Variants in TAF7L observed in about 807,000 individuals in gnomAD.
The protein encoded by TAF7L is transcription initiation factor TFIID subunit 7-like.
A neutral mutation model predicts 30.2 loss-of-function variants in TAF7L; 6 were observed. The observed-to-expected ratio is 0.20, with a 90% CI of 0.11 to 0.39. TAF7L has a LOEUF of 0.39. TAF7L is among the 10% of genes least tolerant of loss of function. The pLI is 1.00. For synonymous variants in TAF7L, 93 were observed against 94.5 expected (o/e 0.98, Z 0.09); for missense variants, 284 against 277.1 (o/e 1.03, Z -0.18).
chrX:101,288,485 T>C (rs1410799303), intron 1 of TAF7L, among the ~76,000 whole-genome samples: 1 of 108,802 alleles, frequency 9.2e-6, no homozygotes. Flanking sequence ...GAGTCTCTTT[T>C]TTTTTTCTTT....
At chrX:101,292,671 G>A (rs776634102), upstream of TAF7L, 2 of 863,642 alleles carry the variant, frequency 2.3e-6, no homozygotes, top group Non-Finnish European at 1.6e-6. Context: ...CACAGGTTAC[G>A]TCGCCCATTG....
Position 101,283,500 on chromosome X carries a change from G to A in TAF7L, c.229C>T (p.Leu77=), listed in dbSNP as rs746733525. The A allele has an allele frequency of 2.5e-6, 3 of 1,211,605 alleles. No homozygotes were observed. Among genetic ancestry groups the A allele is most frequent in the Non-Finnish European group, 3.4e-6 (3 of 895,197 alleles). The change falls in exon 4 of 13, where the codon CTG becomes TTG. Residue 77 remains leucine, a synonymous_variant. Coordinates refer to ENST00000356784, the MANE Select transcript of TAF7L (RefSeq NM_001168474.2). ...AAGGTTTTTTTATCAAGCGTTCTCAGGCTTTCAATAACACAAGGCAAGTCA... is the reference window on the plus strand; with the variant it reads ...AAGGTTTTTTTATCAAGCGTTCTCAAGCTTTCAATAACACAAGGCAAGTCA... ...LVDLPCVIES[L]RTLDKKTFYK... is the part of the protein sequence containing the mutation.
At chrX:101,279,122 A>G (rs1301167938) in intron 6 of TAF7L, 87 bp from the exon 7 acceptor site, 1 of 788,077 alleles carries the variant, frequency 1.3e-6, no homozygotes, top group Non-Finnish European at 1.9e-6. Context: ...TCCTTAACTT[A>G]GTTTTACATT....
Position 101,278,040 on chromosome X carries a change from A to G in TAF7L, c.577+9T>C. 7 of 1,203,607 alleles carry G rather than the reference A, an allele frequency of 5.8e-6. No individual in the cohort carries two copies. The highest frequency in any genetic ancestry group is 6.8e-6 in the Non-Finnish European group (6 of 888,154). ...CAGACTATGCAGAAAATATTTGTAT[A>G]AAGGATACGGGTACTTACGGCTTCA... On this transcript the variant is annotated intron_variant, in intron 8 of 12. Coordinates refer to ENST00000356784, the MANE Select transcript of TAF7L (RefSeq NM_001168474.2).
At chrX:101,280,023 T>A (rs1602956192) in intron 6 of TAF7L, among the ~76,000 whole-genome samples, 1 of 92,129 alleles carries the variant, frequency 1.1e-5, no homozygotes, top group Non-Finnish European at 2.2e-5. Flanking sequence ...AAGTCGAAAA[T>A]GGGCATCAGG....
At chrX:101,291,963 C>T (rs1924821187), upstream of TAF7L, among the ~76,000 whole-genome samples, 1 of 108,932 alleles carries the variant, frequency 9.2e-6, no homozygotes, top group Non-Finnish European at 1.9e-5. Context: ...TTGGGCCGGG[C>T]GCGGTGGCTC....
At chrX:101,288,168 G>T (rs758012647) in intron 1 of TAF7L, among the ~76,000 whole-genome samples, 2 of 106,763 alleles carry the variant, frequency 1.9e-5, no homozygotes, top group Admixed American at 2.0e-4. Context: ...TCAAGACAGA[G>T]TCTCGCTCTG....
intron 12 of TAF7L, among the ~76,000 whole-genome samples, chrX:101,270,183 A>G (rs1477524437): frequency 8.9e-6 from 1 of 112,163 alleles, no homozygotes; most frequent in Non-Finnish European, 1.9e-5. Context: ...AAAGTGACCA[A>G]TAACATTCAG....
intron 5 of TAF7L, 109 bp from the exon 6 acceptor site, chrX:101,281,884 C>A: frequency 1.7e-6 from 1 of 601,189 alleles, no homozygotes; most frequent in Non-Finnish European, 2.4e-6. Flanking sequence ...TGACATCACT[C>A]CTTTTTTTTT....
upstream of TAF7L, chrX:101,291,366 G>C (rs1042936007): frequency 1.1e-5 from 7 of 652,254 alleles, no homozygotes; most frequent in African/African-American, 2.4e-5. Flanking sequence ...CAGTAAAAGC[G>C]GCGCGCGCCG....
intron 6 of TAF7L, among the ~76,000 whole-genome samples, chrX:101,280,198 A>G (rs1924363730): frequency 1.8e-5 from 2 of 111,772 alleles, no homozygotes; most frequent in Admixed American, 1.9e-4. Flanking sequence ...AGACCCTACG[A>G]AGAGGATGGA....
upstream of TAF7L, among the ~76,000 whole-genome samples, chrX:101,292,100 G>A (rs768380711): frequency 9.7e-6 from 1 of 103,453 alleles, no homozygotes; most frequent in Non-Finnish European, 2.0e-5. Flanking sequence ...TTAGCCGGGC[G>A]TAGTGGCGGG....
chrX:101,271,993 G>A (rs1433410827), intron 12 of TAF7L, among the ~76,000 whole-genome samples: 1 of 111,254 alleles, frequency 9.0e-6, no homozygotes, highest in Non-Finnish European at 1.9e-5. Context: ...TAAAAATTCC[G>A]CTAGCCTTGT....
In TAF7L at chrX:101,269,082, T is replaced by C; in HGVS notation, c.*111A>G. On this transcript the variant is annotated 3_prime_UTR_variant, in exon 13 of 13. Transcript: ENST00000356784. ...AAGTAGCAAAGAAGGTACAGATAAATATAACTGATTCAACATAAGGCAACT... is the reference window on the plus strand; with the variant it reads ...AAGTAGCAAAGAAGGTACAGATAAACATAACTGATTCAACATAAGGCAACT... 3 of 635,743 alleles carry C rather than the reference T, an allele frequency of 4.7e-6. No homozygotes were observed. Among genetic ancestry groups the C allele is most frequent in the Non-Finnish European group, 7.5e-6 (3 of 401,699 alleles). The allele number at this position is 635,743 out of a possible 1,213,427, so 52.4% of individuals were successfully genotyped here. A position where few individuals can be genotyped will look rare whatever the true frequency, so the allele number is the denominator to read the frequency against.
rs1246920369 is a variant in TAF7L, at chrX:101,276,491, T to C, written c.729A>G (p.Arg243=). Residue 243 remains arginine, a synonymous_variant, in exon 10 of 13, where the codon AGA becomes AGG. Transcript: ENST00000356784. ...DMLREMFSDS[R]SNNDDDEDED... ...CATCCTCATCATCATCATTGTTACT[T>C]CTAGAATCACTGAACATCTCCCGAA... 1 of 1,208,103 alleles carries C rather than the reference T, an allele frequency of 8.3e-7. No homozygotes were observed. Among genetic ancestry groups the C allele is most frequent in the Non-Finnish European group, 1.1e-6 (1 of 894,335 alleles).
At chrX:101,282,492 G>A (rs1924448322) in intron 4 of TAF7L, 39 bp from the exon 5 acceptor site, 8 of 1,202,103 alleles carry the variant, frequency 6.7e-6, no homozygotes, top group East Asian at 5.9e-5. Flanking sequence ...CTATGACCAC[G>A]AATTTTGGGT....
intron 9 of TAF7L, 82 bp from the exon 10 acceptor site, chrX:101,276,610 C>A: frequency 1.0e-6 from 1 of 996,232 alleles, no homozygotes. Flanking sequence ...ATACTCCTTT[C>A]ACATTCCCCA....
At chrX:101,275,606 G>A (rs993940605) in intron 11 of TAF7L, among the ~76,000 whole-genome samples, 5 of 110,673 alleles carry the variant, frequency 4.5e-5, no homozygotes, top group Non-Finnish European at 7.6e-5. Context: ...CATTTACTGT[G>A]ATCCCTGGCA....
chrX:101,292,478 G>A (rs1333293874), upstream of TAF7L, among the ~76,000 whole-genome samples: 2 of 100,763 alleles, frequency 2.0e-5, no homozygotes, highest in African/African-American at 7.3e-5. Flanking sequence ...GCTCGCTTTT[G>A]GTTGCTCCTC....
Sources: allele counts gnomAD v4.1 joint callset (sites outside exome capture counted in the v4.1 genomes callset), GRCh38; gene constraint gnomAD v4.1.1; transcripts MANE v1.5; gene names NCBI Gene and HGNC (gene_info 2026-07-23, HGNC 2026-07-21).